Variants in PLA2G6 observed in about 807,000 individuals in gnomAD.
PLA2G6 encodes the protein phospholipase A2 group VI.
PLA2G6 carries 62 observed loss-of-function variants against 83.8 expected under a neutral mutation model. The observed-to-expected ratio is 0.74, with a 90% CI of 0.60 to 0.91. The LOEUF is 0.91. Ranked by LOEUF, PLA2G6 falls within the 40% of genes least tolerant of loss-of-function variation. The pLI is 0.00. For synonymous variants in PLA2G6, 417 were observed against 449.8 expected (o/e 0.93, Z 0.92); for missense variants, 944 against 1,102.0 (o/e 0.86, Z 2.03).
chr22:38,143,468 G>A, intron 3 of PLA2G6, 180 bp from the exon 4 acceptor site: 1 of 694,292 alleles, frequency 1.4e-6, no homozygotes, highest in Admixed American at 2.0e-5. Context: ...TATCTGATGT[G>A]ACCTGTATCA....
At position 38,128,439 on chromosome 22, in the gene PLA2G6, G is replaced by A; in HGVS notation, c.1187-9C>T. On this transcript the variant is annotated splice_polypyrimidine_tract_variant and intron_variant, in intron 8 of 16. Transcript: ENST00000332509. The surrounding 1 kb of genome is among the most constrained non-coding windows in gnomAD (Gnocchi z 4.4). ...CGCCTTCCTGGTGACAACTTGTCAT[G>A]GTTTGGGGAAGGGGAGATGGCACAG... 6.2e-7 allele frequency: 1 copy of A among 1,613,958 alleles called. No individual in the cohort carries two copies. Among genetic ancestry groups the A allele is most frequent in the Non-Finnish European group, 8.5e-7 (1 of 1,179,946 alleles).
rs2088255996 is a variant in PLA2G6 at position 38,132,128 on chromosome 22, A to G, written c.1077+703T>C. On this transcript the variant is annotated intron_variant, in intron 7 of 16. Coordinates refer to ENST00000332509, the MANE Select transcript of PLA2G6 (RefSeq NM_003560.4). This position sits in a 1 kb window ranked among gnomAD's most constrained non-coding sequence, Gnocchi z 5.0. ...AGACTCCATCTCGAAAAAAAAGAAT[A>G]CATGCACACACATATGTCTGTAACA... 1 of 455,860 alleles carries G rather than the reference A, an allele frequency of 2.2e-6. No homozygotes were observed. The highest frequency in any genetic ancestry group is 1.5e-5 in the South Asian group (1 of 64,532). The allele number at this position is 455,860 out of a possible 1,614,324, so 28.2% of individuals were successfully genotyped here.
At chr22:38,133,916 G>C (rs1374231892) in intron 6 of PLA2G6, 1 of 152,430 alleles carries the variant, frequency 6.6e-6, no homozygotes, top group Non-Finnish European at 1.5e-5. Flanking sequence ...GTGTCAACTT[G>C]ATTGGATTGA....
intron 2 of PLA2G6, among the ~76,000 whole-genome samples, chr22:38,154,711 GACGA>G (rs1311170424): frequency 6.6e-6 from 1 of 152,190 alleles, no homozygotes; most frequent in East Asian, 1.9e-4. Flanking sequence ...CCCAGACACT[GACGA>G]ACATCACAAG....
Position 38,128,898 on chromosome 22 carries a change from C to T in PLA2G6, c.1187-468G>A, listed in dbSNP as rs891404450. ...ACACACGTGTGCACTGGCACACACA[C>T]ACTGCTGCCATCAGGTACCTGCCCA... On this transcript the variant is annotated intron_variant, in intron 8 of 16. Transcript: ENST00000332509. The surrounding 1 kb of genome is among the most constrained non-coding windows in gnomAD (Gnocchi z 4.4). Among the ~76,000 whole-genome samples the T allele has an allele frequency of 7.2e-5, 11 of 152,358 alleles. No homozygotes were observed. Among genetic ancestry groups the T allele is most frequent in the African/African-American group, 1.9e-4 (8 of 41,582 alleles).
chr22:38,158,004 C>A (rs970528294), intron 2 of PLA2G6, among the ~76,000 whole-genome samples: 1 of 151,600 alleles, frequency 6.6e-6, no homozygotes, highest in African/African-American at 2.4e-5. Context: ...CCACCGCACT[C>A]CAGCCTGGGC....
chr22:38,154,168 G>A (rs1158531405), intron 2 of PLA2G6, among the ~76,000 whole-genome samples: 2 of 152,228 alleles, frequency 1.3e-5, no homozygotes, highest in African/African-American at 4.8e-5. Flanking sequence ...ATGGGGGTAG[G>A]GGGAACTTGC....
In PLA2G6 at chr22:38,120,921, G is replaced by C. The variant is rs2087490127; in HGVS notation, c.1592-12C>G. 6.2e-7 allele frequency: 1 copy of C among 1,612,836 alleles called. No individual in the cohort carries two copies. The highest frequency in any genetic ancestry group is 1.7e-5 in the Admixed American group (1 of 60,002). ...GGCCATGGACTTACCTAGGAACAAA[G>C]GGGTCAGAGGCGGGGAGATGCAGCG... is the stretch of plus-strand genomic sequence containing the variant. On this transcript the variant is annotated splice_polypyrimidine_tract_variant and intron_variant, in intron 11 of 16. Transcript: ENST00000332509.
intron 1 of PLA2G6, among the ~76,000 whole-genome samples, chr22:38,176,380 G>A (rs2090632000): frequency 6.6e-6 from 1 of 152,158 alleles, no homozygotes; most frequent in Admixed American, 6.5e-5. Flanking sequence ...TTGGCCACGT[G>A]GGGGATTCCA....
chr22:38,120,739 C>T lies in PLA2G6; in HGVS notation c.1742+20G>A, dbSNP rs1233942626. The T allele has an allele frequency of 6.2e-7, 1 of 1,613,138 alleles. No individual in the cohort carries two copies. The highest frequency in any genetic ancestry group is 8.5e-7 in the Non-Finnish European group (1 of 1,179,828). On this transcript the variant is annotated intron_variant, in intron 12 of 16. Coordinates refer to ENST00000332509, the MANE Select transcript of PLA2G6 (RefSeq NM_003560.4). ...CAGTGGGCACAGCTGCGGCCACGGCCCCAGTGCGCCAGGGCTTACTTGGGT... is the reference window on the plus strand; with the variant it reads ...CAGTGGGCACAGCTGCGGCCACGGCTCCAGTGCGCCAGGGCTTACTTGGGT...
rs1247706968 is a variant in PLA2G6 at position 38,145,418 on chromosome 22, G to C, written c.425+20C>G. 6.3e-7 allele frequency: 1 copy of C among 1,580,452 alleles called. No homozygotes were observed. The highest frequency in any genetic ancestry group is 2.3e-5 in the East Asian group (1 of 44,290). ...GCAGGTACACACACGTTGTCCAAAT[G>C]GTCTTGTTCCCTTGCTCACCTGATG... On this transcript the variant is annotated intron_variant, in intron 3 of 16. Coordinates refer to ENST00000332509, the MANE Select transcript of PLA2G6 (RefSeq NM_003560.4).
In PLA2G6 at chr22:38,112,086, G is replaced by A; in HGVS notation, c.*75C>T. 1 of 1,505,114 alleles carries A rather than the reference G, an allele frequency of 6.6e-7. No homozygotes were observed. The highest frequency in any genetic ancestry group is 9.0e-7 in the Non-Finnish European group (1 of 1,106,814). The allele number at this position is 1,505,114 out of a possible 1,614,324, so 93.2% of individuals were successfully genotyped here. ...TGCCTGGGCCCAGATCTGCCCGGGAGGGCAGTGGCTGGGCTTGGCCTGGCA... is the reference window on the plus strand; with the variant it reads ...TGCCTGGGCCCAGATCTGCCCGGGAAGGCAGTGGCTGGGCTTGGCCTGGCA... On this transcript the variant is annotated 3_prime_UTR_variant, in exon 17 of 17. Coordinates refer to ENST00000332509, the MANE Select transcript of PLA2G6 (RefSeq NM_003560.4).
At chr22:38,112,994 C>T in intron 15 of PLA2G6, 1 of 350,486 alleles carries the variant, frequency 2.9e-6, no homozygotes, top group Non-Finnish European at 5.4e-6. Flanking sequence ...GCAGCCTCTG[C>T]CTCTTGGGCT....
intron 2 of PLA2G6, among the ~76,000 whole-genome samples, chr22:38,153,669 C>A (rs2089665794): frequency 6.6e-6 from 1 of 151,868 alleles, no homozygotes; most frequent in Non-Finnish European, 1.5e-5. Flanking sequence ...AAATAGAAAC[C>A]TCCACCAATT....
chr22:38,120,910 C>G lies in PLA2G6; in HGVS notation c.1592-1G>C. Reference sequence around the variant, plus strand: ...CCGCGCATGTAGGCCATGGACTTACCTAGGAACAAAGGGGTCAGAGGCGGG... The same window carrying G: ...CCGCGCATGTAGGCCATGGACTTACGTAGGAACAAAGGGGTCAGAGGCGGG... On this transcript the variant is annotated splice_acceptor_variant, in intron 11 of 16. Coordinates refer to ENST00000332509, the MANE Select transcript of PLA2G6 (RefSeq NM_003560.4). LOFTEE classifies it high-confidence loss of function. The G allele has an allele frequency of 2.5e-6, 4 of 1,613,400 alleles. No individual in the cohort carries two copies. The highest frequency in any genetic ancestry group is 3.4e-6 in the Non-Finnish European group (4 of 1,180,012).
In PLA2G6 at chr22:38,143,146, A is replaced by G; in HGVS notation, c.568T>C (p.Phe190Leu). The stretch of plus-strand genomic sequence containing the variant: ...TTGTCACCCTGGACAGCATAATGGA[A>G]GACGGTCTCTCCCTTGTAGTCGGTG... ...DVTDYKGETV[F>L]HYAVQGDNSQ... Residue 190 changes from phenylalanine to leucine, a missense_variant, in exon 4 of 17, where the codon TTC (phenylalanine) becomes CTC (leucine). Transcript: ENST00000332509. 6.2e-7 allele frequency: 1 copy of G among 1,614,174 alleles called. No homozygotes were observed. The highest frequency in any genetic ancestry group is 8.5e-7 in the Non-Finnish European group (1 of 1,180,022).
At chr22:38,180,115 C>A (rs1452060045) in intron 1 of PLA2G6, among the ~76,000 whole-genome samples, 2 of 150,680 alleles carry the variant, frequency 1.3e-5, no homozygotes, top group Non-Finnish European at 2.9e-5. Flanking sequence ...CTTCCCCCAG[C>A]ACACACACCC....
intron 2 of PLA2G6, among the ~76,000 whole-genome samples, chr22:38,160,762 G>A (rs957167276): frequency 1.3e-5 from 2 of 151,994 alleles, no homozygotes; most frequent in Admixed American, 1.3e-4. Flanking sequence ...GGAGAATGGC[G>A]TGAACCCAGG....
intron 2 of PLA2G6, among the ~76,000 whole-genome samples, chr22:38,154,282 T>C (rs779832892): frequency 6.6e-5 from 10 of 152,186 alleles, no homozygotes; most frequent in South Asian, 2.1e-4. Flanking sequence ...GTGGAGACTG[T>C]AGGCCTTGGG....
Sources: gnomAD v4.1 joint callset for allele counts (sites outside exome capture counted in the v4.1 genomes callset) on GRCh38, gnomAD v4.1.1 for gene constraint, Gnocchi (gnomAD v3.1) non-coding constraint, MANE v1.5 for transcripts, NCBI Gene and HGNC (gene_info 2026-07-23, HGNC 2026-07-21) for gene names.